The following FTO variants were observed in gnomAD, a reference collection of about 807,000 sequenced individuals.
FTO encodes alpha-ketoglutarate-dependent dioxygenase FTO.
FTO carries 47 observed loss-of-function variants against 63.9 expected under a neutral mutation model. The ratio of observed to expected loss-of-function variants is 0.74; its 90% confidence interval spans 0.58 to 0.94. The LOEUF (loss-of-function observed/expected upper bound fraction) is 0.94. FTO is among the 40% of genes least tolerant of loss of function. The pLI, the probability that FTO is intolerant of heterozygous loss-of-function variation, is 0.00. For synonymous variants in FTO, 207 were observed against 224.4 expected, an observed-to-expected ratio of 0.92 and a Z score of 0.69; for missense variants, 562 against 618.1, an observed-to-expected ratio of 0.91 and a Z score of 0.96.
rs1460450288 is a variant in FTO at position 54,118,315 on chromosome 16, T to C, written c.*6400T>C. 6.6e-6 allele frequency: 1 copy of C among 152,114 alleles called. No homozygotes were observed. Among genetic ancestry groups the C allele is most frequent in the Non-Finnish European group, 1.5e-5 (1 of 68,030 alleles). 9.4% of individuals were successfully genotyped at this position (152,114 alleles called of 1,614,324 possible). A position where few individuals can be genotyped will look rare whatever the true frequency, so the allele number is the denominator to read the frequency against. Reference sequence around the variant, plus strand: ...TGTGCTTCGGGTAATTCTGACCCTCTTCATTAGTGATAATGGCATGAAGCT... The same window carrying C: ...TGTGCTTCGGGTAATTCTGACCCTCCTCATTAGTGATAATGGCATGAAGCT... On this transcript the variant is annotated 3_prime_UTR_variant, in exon 9 of 9. Transcript: ENST00000471389.
intron 8 of FTO, among the ~76,000 whole-genome samples, chr16:53,953,728 C>T (rs1199959085): frequency 6.6e-6 from 1 of 152,062 alleles, no homozygotes; most frequent in East Asian, 1.9e-4. Context: ...ATAAAAAAAT[C>T]CAGCATGAAG....
chr16:54,085,219 C>T (rs186966456), intron 8 of FTO, among the ~76,000 whole-genome samples: 2 of 152,316 alleles, frequency 1.3e-5, no homozygotes, highest in Admixed American at 1.3e-4. Flanking sequence ...CTTGCTAAGA[C>T]ACTGCTTCTA....
At chr16:53,989,425 G>A (rs1267378153) in intron 8 of FTO, among the ~76,000 whole-genome samples, 1 of 152,172 alleles carries the variant, frequency 6.6e-6, no homozygotes. Flanking sequence ...GGAGAGCACT[G>A]GAGGCAGGTA....
At chr16:53,748,819 A>T (rs2076710738) in intron 1 of FTO, among the ~76,000 whole-genome samples, 1 of 151,978 alleles carries the variant, frequency 6.6e-6, no homozygotes, top group Non-Finnish European at 1.5e-5. Context: ...GCTGGAGTGC[A>T]GTGGTGCGAT....
intron 6 of FTO, among the ~76,000 whole-genome samples, chr16:53,881,272 A>G (rs2080826445): frequency 6.6e-6 from 1 of 152,210 alleles, no homozygotes; most frequent in African/African-American, 2.4e-5. Context: ...TTGAGGAGTT[A>G]CATTATAGGA....
chr16:53,864,345 G>A (rs995162295), intron 4 of FTO, among the ~76,000 whole-genome samples: 4 of 152,128 alleles, frequency 2.6e-5, no homozygotes, highest in African/African-American at 7.2e-5. Flanking sequence ...AGGAAGTAAG[G>A]GCTGGGGTAA....
chr16:53,967,918 T>G (rs946748799), intron 8 of FTO, among the ~76,000 whole-genome samples: 17 of 152,224 alleles, frequency 1.1e-4, no homozygotes, highest in Admixed American at 3.3e-4. Context: ...TTGTGTGGTT[T>G]AAATATACAC....
chr16:53,962,118 A>G (rs2083095572), intron 8 of FTO, among the ~76,000 whole-genome samples: 2 of 152,196 alleles, frequency 1.3e-5, no homozygotes, highest in South Asian at 4.1e-4. Context: ...AATATAAACC[A>G]TATTCAGAGT....
chr16:53,920,091 C>G (rs2081973501), intron 7 of FTO, among the ~76,000 whole-genome samples: 1 of 152,154 alleles, frequency 6.6e-6, no homozygotes, highest in Non-Finnish European at 1.5e-5. Flanking sequence ...CTGGCTGGTA[C>G]TTTAGATTTA....
chr16:53,763,562 C>T (rs1275119374), intron 1 of FTO, among the ~76,000 whole-genome samples: 4 of 152,044 alleles, frequency 2.6e-5, no homozygotes, highest in Non-Finnish European at 5.9e-5. Flanking sequence ...TTTGAGTACC[C>T]TGGATGTTTG....
intron 1 of FTO, among the ~76,000 whole-genome samples, chr16:53,717,123 C>T (rs1190268152): frequency 6.6e-6 from 1 of 151,680 alleles, no homozygotes; most frequent in African/African-American, 2.4e-5. Context: ...TAAATCTCTG[C>T]AAATCTTTGG....
chr16:53,997,048 G>A (rs1341522926), intron 8 of FTO, among the ~76,000 whole-genome samples: 1 of 151,926 alleles, frequency 6.6e-6, no homozygotes, highest in Non-Finnish European at 1.5e-5. Flanking sequence ...AGGAGACAGA[G>A]GTTGCAGTGA....
chr16:54,107,160 T>G (rs1368397686), intron 8 of FTO, among the ~76,000 whole-genome samples: 1 of 151,436 alleles, frequency 6.6e-6, no homozygotes, highest in Non-Finnish European at 1.5e-5. Flanking sequence ...TACATATTAT[T>G]TTCCTTTGCT....
chr16:53,990,234 G>A (rs1306501693), intron 8 of FTO, among the ~76,000 whole-genome samples: 2 of 152,170 alleles, frequency 1.3e-5, no homozygotes, highest in Non-Finnish European at 2.9e-5. Flanking sequence ...AGCATGCATA[G>A]CACAGTGCCT....
intron 8 of FTO, among the ~76,000 whole-genome samples, chr16:54,035,651 A>G (rs1475122897): frequency 6.6e-6 from 1 of 152,174 alleles, no homozygotes; most frequent in Non-Finnish European, 1.5e-5. Flanking sequence ...TCATTGTCCC[A>G]GTGTGTTTCA....
chr16:53,754,126 G>A (rs1040254441), intron 1 of FTO, among the ~76,000 whole-genome samples: 3 of 152,016 alleles, frequency 2.0e-5, no homozygotes, highest in Non-Finnish European at 2.9e-5. Context: ...AATTTAGATG[G>A]CTTCTTATTA....
At chr16:54,102,959 C>T (rs2086670031) in intron 8 of FTO, among the ~76,000 whole-genome samples, 1 of 152,008 alleles carries the variant, frequency 6.6e-6, no homozygotes, top group Non-Finnish European at 1.5e-5. Context: ...TTGAGACCAA[C>T]CTGTGCAACA....
intron 8 of FTO, among the ~76,000 whole-genome samples, chr16:53,984,321 C>CTTT (rs5816913): frequency 0.025 from 1,670 of 67,288 alleles, 338 homozygotes; most frequent in Non-Finnish European, 0.03. Context: ...TGGAATGGGT[C>CTTT]TTTTTTTTTT....
At chr16:53,862,454 T>A (rs1160780539) in intron 4 of FTO, among the ~76,000 whole-genome samples, 1 of 152,202 alleles carries the variant, frequency 6.6e-6, no homozygotes, top group African/African-American at 2.4e-5. Context: ...AACCATTTTA[T>A]AGTGCAGACT....
Sources: gnomAD v4.1 joint callset for allele counts (sites outside exome capture counted in the v4.1 genomes callset) on GRCh38, gnomAD v4.1.1 for gene constraint, MANE v1.5 for transcripts, NCBI Gene and HGNC (gene_info 2026-07-23, HGNC 2026-07-21) for gene names.